The following KLHL1 variants were observed in gnomAD, a reference collection of about 807,000 sequenced individuals.
The protein encoded by KLHL1 is kelch like family member 1.
In KLHL1, 47 loss-of-function variants were observed where a neutral mutation model predicts 77.7. The ratio of observed to expected loss-of-function variants is 0.60; its 90% CI spans 0.48 to 0.77. The LOEUF (loss-of-function observed/expected upper bound fraction) is 0.77, where lower values mean the gene tolerates loss of function less well. KLHL1 is among the 30% of genes least tolerant of loss of function. The probability of loss-of-function intolerance (pLI) is 0.00; values close to 1 mark genes in which losing one functional copy is unlikely to be tolerated. For missense variants in KLHL1, 925 were observed against 910.8 expected (o/e 1.02, Z -0.20); for synonymous variants, 360 against 325.2 (o/e 1.11, Z -1.15).
At chr13:70,086,740 T>C (rs1454080502) in intron 1 of KLHL1, among the ~76,000 whole-genome samples, 3 of 151,372 alleles carry the variant, frequency 2.0e-5, no homozygotes, top group African/African-American at 7.3e-5. Flanking sequence ...ACCTCTTATA[T>C]GTAGTGCCTG....
Position 69,782,482 on chromosome 13 carries a change from C to A in KLHL1, c.1639+14256G>T, listed in dbSNP as rs572289711. On this transcript the variant is annotated intron_variant, in intron 7 of 10. Transcript: ENST00000377844. ...CCACCCTAATACTGTGCTTTTCCAA[C>A]GGGCTTAAAAAATGGCACACCAGGA... is the stretch of plus-strand genomic sequence containing the variant. 9.2e-5 allele frequency among the ~76,000 whole-genome samples: 14 copies of A among 152,304 alleles called. No individual in the cohort carries two copies. The East Asian group carries it at 2.1e-3, about 23-fold the overall frequency.
chr13:69,790,859 G>T (rs1876838358), intron 7 of KLHL1, among the ~76,000 whole-genome samples: 1 of 151,926 alleles, frequency 6.6e-6, no homozygotes, highest in African/African-American at 2.4e-5. Flanking sequence ...AGACCAGCCT[G>T]GTCAACATGG....
At chr13:69,849,556 G>A (rs905645804) in intron 5 of KLHL1, among the ~76,000 whole-genome samples, 5 of 151,132 alleles carry the variant, frequency 3.3e-5, no homozygotes, top group Admixed American at 6.6e-5. Context: ...AATATGACCC[G>A]AATCTTCAGA....
intron 1 of KLHL1, among the ~76,000 whole-genome samples, chr13:70,017,398 A>G (rs1885684714): frequency 6.6e-6 from 1 of 152,212 alleles, no homozygotes; most frequent in Admixed American, 6.5e-5. Flanking sequence ...CGGAAGCTGC[A>G]TACAATACAT....
intron 1 of KLHL1, among the ~76,000 whole-genome samples, chr13:70,056,284 G>T (rs1253493642): frequency 6.6e-6 from 1 of 152,032 alleles, no homozygotes; most frequent in Admixed American, 6.6e-5. Flanking sequence ...TCAGGAAGAG[G>T]AGATAACAAT....
intron 6 of KLHL1, among the ~76,000 whole-genome samples, chr13:69,834,421 G>C (rs1878899473): frequency 6.6e-6 from 1 of 151,842 alleles, no homozygotes; most frequent in African/African-American, 2.4e-5. Flanking sequence ...CCTATGGGAA[G>C]AGTTGTGTCG....
In KLHL1 at chr13:70,096,904, G is replaced by C. The variant is rs978342799; in HGVS notation, c.497+10299C>G. On this transcript the variant is annotated intron_variant, in intron 1 of 10. Coordinates refer to ENST00000377844, the MANE Select transcript of KLHL1 (RefSeq NM_020866.3). ...AGAAATCGCCAACAGAAGGCTCCTAGAAAGAACATCAAGAGTATAATCTAG... is the reference window on the plus strand; with the variant it reads ...AGAAATCGCCAACAGAAGGCTCCTACAAAGAACATCAAGAGTATAATCTAG... Among the ~76,000 whole-genome samples, 8 of 152,058 alleles carry C rather than the reference G, an allele frequency of 5.3e-5. No homozygotes were observed. The East Asian group carries it at 1.5e-3, about 29-fold the overall frequency.
At chr13:69,743,170 A>G (rs757238728) in intron 7 of KLHL1, among the ~76,000 whole-genome samples, 8 of 152,172 alleles carry the variant, frequency 5.3e-5, no homozygotes, top group Non-Finnish European at 1.0e-4. Flanking sequence ...GATCACTAGG[A>G]TAATTTAATA....
intron 1 of KLHL1, among the ~76,000 whole-genome samples, chr13:70,006,124 G>T (rs1885399372): frequency 1.3e-5 from 2 of 151,922 alleles, no homozygotes; most frequent in Admixed American, 6.6e-5. Context: ...GTCCCTCTTT[G>T]TCTTGCTTAT....
intron 6 of KLHL1, among the ~76,000 whole-genome samples, chr13:69,825,856 G>T (rs1878522543): frequency 6.6e-6 from 1 of 152,134 alleles, no homozygotes; most frequent in African/African-American, 2.4e-5. Context: ...TAGAAATATT[G>T]CTGATAGGGT....
intron 1 of KLHL1, among the ~76,000 whole-genome samples, chr13:70,030,252 C>A (rs1295794971): frequency 6.6e-6 from 1 of 152,184 alleles, no homozygotes; most frequent in Non-Finnish European, 1.5e-5. Flanking sequence ...ACCTAATAGA[C>A]ATCTACAGAA....
chr13:69,830,277 C>G (rs2138093411), intron 6 of KLHL1, among the ~76,000 whole-genome samples: 1 of 149,966 alleles, frequency 6.7e-6, no homozygotes, highest in South Asian at 2.1e-4. Context: ...AAATGGACAC[C>G]AAAAGTGAAC....
intron 5 of KLHL1, among the ~76,000 whole-genome samples, chr13:69,877,266 A>C (rs138524037): frequency 6.6e-6 from 1 of 152,188 alleles, no homozygotes; most frequent in Admixed American, 6.5e-5. Flanking sequence ...GGTATTTTTA[A>C]AATTCATACA....
chr13:69,978,784 G>A (rs1370842034), intron 1 of KLHL1, among the ~76,000 whole-genome samples: 1 of 152,128 alleles, frequency 6.6e-6, no homozygotes, highest in Non-Finnish European at 1.5e-5. Context: ...ACTGTGCCTG[G>A]CCTGGGCAGA....
intron 1 of KLHL1, among the ~76,000 whole-genome samples, chr13:69,988,307 T>C (rs968563114): frequency 2.6e-5 from 4 of 152,276 alleles, no homozygotes; most frequent in Admixed American, 2.0e-4. Context: ...TTCTTTTTCA[T>C]GGTTGCATAC....
chr13:70,093,652 T>A (rs9572366), intron 1 of KLHL1, among the ~76,000 whole-genome samples: 1 of 151,994 alleles, frequency 6.6e-6, no homozygotes, highest in Non-Finnish European at 1.5e-5. Flanking sequence ...TGGCAAATAA[T>A]TTTTTTCTCT....
intron 1 of KLHL1, among the ~76,000 whole-genome samples, chr13:69,986,905 G>GT (rs1884886383): frequency 6.6e-6 from 1 of 151,772 alleles, no homozygotes; most frequent in Admixed American, 6.6e-5. Context: ...AATGATTATT[G>GT]TAATAGTGAT....
intron 6 of KLHL1, among the ~76,000 whole-genome samples, chr13:69,824,304 G>T (rs756422165): frequency 1.3e-5 from 2 of 151,982 alleles, no homozygotes; most frequent in African/African-American, 2.4e-5. Context: ...TTAATAAATA[G>T]CCATAATGAA....
At chr13:70,003,931 C>G (rs1885351763) in intron 1 of KLHL1, among the ~76,000 whole-genome samples, 1 of 151,618 alleles carries the variant, frequency 6.6e-6, no homozygotes, top group South Asian at 2.1e-4. Flanking sequence ...AGAGAATGGA[C>G]AAGAAGAGAT....
Sources: allele counts gnomAD v4.1 joint callset (sites outside exome capture counted in the v4.1 genomes callset), GRCh38; gene constraint gnomAD v4.1.1; transcripts MANE v1.5; gene names NCBI Gene and HGNC (gene_info 2026-07-23, HGNC 2026-07-21).